The following NYAP2 variants were observed in gnomAD, a reference collection of about 807,000 sequenced individuals.
NYAP2 encodes neuronal tyrosine-phosphorylated phosphoinositide-3-kinase adapter 2.
A neutral mutation model predicts 50.4 loss-of-function variants in NYAP2; 23 were observed. That is an observed-to-expected ratio of 0.46 (90% CI 0.33 to 0.65). The LOEUF (loss-of-function observed/expected upper bound fraction) is 0.65, where lower values mean the gene tolerates loss of function less well. Among genes scored for constraint, NYAP2 ranks in the 30% least tolerant of loss-of-function variants. The pLI, the probability that NYAP2 is intolerant of heterozygous loss-of-function variation, is 0.02. For synonymous variants in NYAP2, 394 were observed against 365.2 expected, an observed-to-expected ratio of 1.08 and a Z score of -0.90; for missense variants, 885 against 861.0, an observed-to-expected ratio of 1.03 and a Z score of -0.35.
rs539182770 is a variant in NYAP2, at chr2:225,644,255, G to C, written c.1829-7177G>C. Among the ~76,000 whole-genome samples the C allele has an allele frequency of 3.0e-3, 456 of 152,236 alleles. 2 individuals carry two copies. The highest frequency in any genetic ancestry group is 0.011 in the African/African-American group (441 of 41,520). ...AAATGCCTTCTTTTGAGAAGTGTCT[G>C]TTCATGTCCTTCACCCACTTTTTGA... is the stretch of plus-strand genomic sequence containing the variant. On this transcript the variant is annotated intron_variant, in intron 6 of 6. Coordinates refer to ENST00000636099, the Ensembl canonical transcript of NYAP2.
chr2:225,647,171 C>T (rs1225889701), intron 6 of NYAP2, among the ~76,000 whole-genome samples: 1 of 151,826 alleles, frequency 6.6e-6, no homozygotes, highest in Non-Finnish European at 1.5e-5. Context: ...ACTGAATTTT[C>T]TCATTCCATG....
chr2:225,626,401 G>T (rs1311991346), intron 5 of NYAP2, among the ~76,000 whole-genome samples: 2 of 152,160 alleles, frequency 1.3e-5, no homozygotes, highest in Non-Finnish European at 2.9e-5. Context: ...AAGGAAAGGT[G>T]TTAGATACAG....
chr2:225,446,238 CTCTCTCTCTATATA>C (rs1387446795), intron 3 of NYAP2, among the ~76,000 whole-genome samples: 5 of 104,582 alleles, frequency 4.8e-5, no homozygotes, highest in African/African-American at 1.6e-4. Context: ...CTCTCTCTCT[CTCTCTCTCTATATA>C]TATATATATA....
intron 4 of NYAP2, among the ~76,000 whole-genome samples, chr2:225,545,044 C>T (rs1317713608): frequency 6.6e-6 from 1 of 152,126 alleles, no homozygotes; most frequent in Non-Finnish European, 1.5e-5. Context: ...TCAACTGAAA[C>T]ATCTGCTGCC....
intron 3 of NYAP2, among the ~76,000 whole-genome samples, chr2:225,506,093 G>A (rs1690699987): frequency 6.6e-6 from 1 of 152,130 alleles, no homozygotes; most frequent in Non-Finnish European, 1.5e-5. Flanking sequence ...AATTTCCATT[G>A]CAAAGATAAA....
intron 4 of NYAP2, among the ~76,000 whole-genome samples, chr2:225,556,742 T>C (rs1691782256): frequency 6.6e-6 from 1 of 152,208 alleles, no homozygotes. Context: ...AGGGGAATCA[T>C]GAATTTTAAT....
chr2:225,427,002 G>C (rs893454213), intron 3 of NYAP2, among the ~76,000 whole-genome samples: 1 of 152,148 alleles, frequency 6.6e-6, no homozygotes, highest in African/African-American at 2.4e-5. Context: ...AATAAGACTA[G>C]TTCCAACCAA....
chr2:225,667,500 G>A, the NYAP2 span, among the ~76,000 whole-genome samples: 1 of 152,156 alleles, frequency 6.6e-6, no homozygotes, highest in Non-Finnish European at 1.5e-5. Context: ...AATGCTCTGG[G>A]AGAATTAGGA....
chr2:225,449,181 A>G (rs1173869487), intron 3 of NYAP2, among the ~76,000 whole-genome samples: 1 of 152,220 alleles, frequency 6.6e-6, no homozygotes, highest in Non-Finnish European at 1.5e-5. Flanking sequence ...GTAAGTTTCA[A>G]AGCTTCGCAG....
At chr2:225,480,658 G>A (rs975283019) in intron 3 of NYAP2, among the ~76,000 whole-genome samples, 1 of 152,038 alleles carries the variant, frequency 6.6e-6, no homozygotes, top group Non-Finnish European at 1.5e-5. Flanking sequence ...GGATCTTAAA[G>A]GGAAAAATAA....
At chr2:225,684,271 A>T in the NYAP2 span, among the ~76,000 whole-genome samples, 1 of 152,152 alleles carries the variant, frequency 6.6e-6, no homozygotes, top group Non-Finnish European at 1.5e-5. Flanking sequence ...AGTGAGATGA[A>T]AAATGGCAAC....
intron 3 of NYAP2, among the ~76,000 whole-genome samples, chr2:225,460,478 A>G (rs1334395128): frequency 6.6e-6 from 1 of 152,180 alleles, no homozygotes; most frequent in Non-Finnish European, 1.5e-5. Context: ...GGGTAATAAT[A>G]ATTCTTCTCT....
intron 3 of NYAP2, among the ~76,000 whole-genome samples, chr2:225,469,020 A>T (rs1689969810): frequency 6.6e-6 from 1 of 152,214 alleles, no homozygotes; most frequent in Non-Finnish European, 1.5e-5. Context: ...GACGAATGAG[A>T]TCTAATTAAA....
At position 225,564,284 on chromosome 2, in the gene NYAP2, A is replaced by G. The variant is rs192322703; in HGVS notation, c.524-17657A>G. ...TTAAATAGAACCTCCAAATAATGTGAAAAAAAAGAGCAAAACTGATTTAAG... is the reference window on the plus strand; with the variant it reads ...TTAAATAGAACCTCCAAATAATGTGGAAAAAAAGAGCAAAACTGATTTAAG... On this transcript the variant is annotated intron_variant, in intron 4 of 6. Transcript: ENST00000636099. 2.4e-5 allele frequency among the ~76,000 whole-genome samples: 3 copies of G among 125,576 alleles called. No homozygotes were observed. The East Asian group carries it at 5.9e-4, about 25-fold the overall frequency. The allele number at this position is 125,576 out of a possible 152,430, so 82.4% of individuals were successfully genotyped here.
chr2:225,495,503 A>G (rs1439878534), intron 3 of NYAP2, among the ~76,000 whole-genome samples: 2 of 152,138 alleles, frequency 1.3e-5, no homozygotes, highest in African/African-American at 2.4e-5. Context: ...TCTTTGTAGC[A>G]TCAATCTTAA....
chr2:225,504,268 C>T (rs923813433), intron 3 of NYAP2, among the ~76,000 whole-genome samples: 3 of 152,148 alleles, frequency 2.0e-5, no homozygotes, highest in Non-Finnish European at 4.4e-5. Flanking sequence ...TCTCTGTGTC[C>T]TCACACCATA....
the NYAP2 span, among the ~76,000 whole-genome samples, chr2:225,671,918 T>G: frequency 2.6e-5 from 4 of 152,224 alleles, no homozygotes; most frequent in Non-Finnish European, 4.4e-5. Flanking sequence ...TTTTTTTCTG[T>G]GCAGTAGGTC....
chr2:225,508,238 A>C (rs1249140172), intron 3 of NYAP2, among the ~76,000 whole-genome samples: 1 of 152,188 alleles, frequency 6.6e-6, no homozygotes, highest in Non-Finnish European at 1.5e-5. Flanking sequence ...TCTTATTGCA[A>C]CAAGACTCTT....
At chr2:225,476,708 A>G (rs1451507821) in intron 3 of NYAP2, among the ~76,000 whole-genome samples, 1 of 152,186 alleles carries the variant, frequency 6.6e-6, no homozygotes, top group East Asian at 1.9e-4. Context: ...AATTTCAAGC[A>G]CACACCAGTG....
Sources: allele counts gnomAD v4.1 joint callset (sites outside exome capture counted in the v4.1 genomes callset), GRCh38; gene constraint gnomAD v4.1.1; transcripts MANE v1.5; gene names NCBI Gene and HGNC (gene_info 2026-07-23, HGNC 2026-07-21).